Variants in ETF1 observed in about 807,000 individuals in gnomAD.
ETF1 encodes eukaryotic peptide chain release factor subunit 1.
ETF1 carries 4 observed loss-of-function variants against 55.1 expected under a neutral mutation model. The observed-to-expected ratio is 0.07, with a 90% CI of 0.04 to 0.17. The LOEUF is 0.17. Among genes scored for constraint, ETF1 ranks in the 10% least tolerant of loss-of-function variants. The pLI, the probability that ETF1 is intolerant of heterozygous loss-of-function variation, is 1.00. For missense variants in ETF1, 142 were observed against 523.6 expected (o/e 0.27, Z 7.11); for synonymous variants, 157 against 182.3 (o/e 0.86, Z 1.12).
chr5:138,518,548 CAAAA>C (rs1193897923), intron 3 of ETF1, 140 bp downstream of exon 3: 1 of 688,188 alleles, frequency 1.5e-6, no homozygotes, highest in Non-Finnish European at 2.4e-6. Flanking sequence ...CAAAACAAAA[CAAAA>C]AAGCTAACCA....
chr5:138,514,989 G>C (rs1484723560), intron 4 of ETF1, among the ~76,000 whole-genome samples: 1 of 152,194 alleles, frequency 6.6e-6, no homozygotes, highest in African/African-American at 2.4e-5. Context: ...GCCTCCCAAA[G>C]TGCTGGGATT....
chr5:138,512,250 ATATATATATTTT>A (rs1193047391), intron 6 of ETF1, among the ~76,000 whole-genome samples: 3 of 11,862 alleles, frequency 2.5e-4, no homozygotes, highest in African/African-American at 8.7e-4. Context: ...ATATATATAT[ATATATATATTTT>A]TTTTTTTTTT....
At chr5:138,509,258 G>T in intron 9 of ETF1, 3 of 809,614 alleles carry the variant, frequency 3.7e-6, no homozygotes, top group Non-Finnish European at 4.5e-6. Flanking sequence ...ATACGGGAGG[G>T]TCATACTTTC....
chr5:138,511,407 C>CAT, intron 7 of ETF1, 68 bp downstream of exon 7: 1 of 1,452,424 alleles, frequency 6.9e-7, no homozygotes, highest in South Asian at 1.2e-5. Flanking sequence ...CACACATACA[C>CAT]ACACACACAC....
intron 2 of ETF1, among the ~76,000 whole-genome samples, chr5:138,522,718 C>G (rs1765284041): frequency 6.6e-6 from 1 of 152,094 alleles, no homozygotes; most frequent in African/African-American, 2.4e-5. Context: ...TTAACTTACA[C>G]TACATTGGCC....
intron 4 of ETF1, among the ~76,000 whole-genome samples, chr5:138,516,441 G>A (rs1163392510): frequency 6.6e-6 from 1 of 152,072 alleles, no homozygotes; most frequent in African/African-American, 2.4e-5. Context: ...GTTTGGGACA[G>A]GCCTGGCCAA....
intron 5 of ETF1, chr5:138,513,231 T>TTCTC (rs763907320): frequency 1.0e-6 from 1 of 982,838 alleles, no homozygotes; most frequent in Admixed American, 6.2e-5. Context: ...TCATACTGTT[T>TTCTC]TCTCTCTCTC....
rs971107363 is a variant in ETF1 at position 138,541,415 on chromosome 5, G to C, written c.86+1418C>G. ...CTAACGTTTCTCCAGTAAACCGAAG[G>C]AGTGAGCACAAGCCCGTCACTGAAT... is the stretch of plus-strand genomic sequence containing the variant. On this transcript the variant is annotated intron_variant, in intron 2 of 10. Coordinates refer to ENST00000360541, the MANE Select transcript of ETF1 (RefSeq NM_004730.4). 1.2e-5 allele frequency: 9 copies of C among 740,738 alleles called. No individual in the cohort carries two copies. In the African/African-American group the frequency reaches 1.6e-4, roughly 13 times the overall value. 45.9% of individuals were successfully genotyped at this position (740,738 alleles called of 1,614,324 possible). A position where few individuals can be genotyped will look rare whatever the true frequency, so the allele number is the denominator to read the frequency against.
chr5:138,512,258 A>ATATATATATT (rs1484458741), intron 6 of ETF1, among the ~76,000 whole-genome samples: 4 of 20,018 alleles, frequency 2.0e-4, no homozygotes, highest in African/African-American at 7.6e-4. Flanking sequence ...ATATATATAT[A>ATATATATATT]TTTTTTTTTT....
chr5:138,528,156 G>T (rs1014459543), intron 2 of ETF1, among the ~76,000 whole-genome samples: 1 of 152,176 alleles, frequency 6.6e-6, no homozygotes, highest in African/African-American at 2.4e-5. Flanking sequence ...GATGCAGTCG[G>T]CAGGGAATGG....
At chr5:138,519,682 C>T (rs1765159394) in intron 2 of ETF1, among the ~76,000 whole-genome samples, 1 of 151,008 alleles carries the variant, frequency 6.6e-6, no homozygotes, top group East Asian at 1.9e-4. Flanking sequence ...AAAAAAAAAT[C>T]TCTCTCTCAC....
At position 138,510,555 on chromosome 5, in the gene ETF1, A is replaced by G; in HGVS notation, c.1083+10T>C. The G allele has an allele frequency of 1.3e-6, 2 of 1,595,504 alleles. No individual in the cohort carries two copies. Among genetic ancestry groups the G allele is most frequent in the Non-Finnish European group, 1.7e-6 (2 of 1,163,212 alleles). ...GCACGTATCATCAAACCAAGAAAAT[A>G]ATCACATACCTCTTTGTCTGTGAAA... On this transcript the variant is annotated intron_variant, in intron 9 of 10. Coordinates refer to ENST00000360541, the MANE Select transcript of ETF1 (RefSeq NM_004730.4).
chr5:138,522,471 C>G (rs1480919554), intron 2 of ETF1, among the ~76,000 whole-genome samples: 2 of 151,882 alleles, frequency 1.3e-5, no homozygotes, highest in Admixed American at 6.6e-5. Context: ...CACAGAGTTA[C>G]CATATGACCC....
rs1554137314 is a variant in ETF1 at position 138,511,384 on chromosome 5, G to GTACA, written c.862+87_862+90dup. On this transcript the variant is annotated intron_variant, in intron 7 of 10. Transcript: ENST00000360541. Reference sequence around the variant, plus strand: ...TACCTTGTCTCATACATACAATCACGTACATACACACACACACATACACAC... The same window carrying GTACA: ...TACCTTGTCTCATACATACAATCACGTACATACATACACACACACACATACACAC... 4,406 of 1,323,054 alleles carry GTACA rather than the reference G, an allele frequency of 3.3e-3. 109 individuals are homozygous for GTACA. The highest frequency in any genetic ancestry group is 8.0e-3 in the East Asian group (289 of 36,328). The allele number at this position is 1,323,054 out of a possible 1,614,324, so 82.0% of individuals were successfully genotyped here.
intron 2 of ETF1, among the ~76,000 whole-genome samples, chr5:138,535,620 C>G (rs550623507): frequency 6.6e-6 from 1 of 150,614 alleles, no homozygotes; most frequent in South Asian, 2.1e-4. Flanking sequence ...ACTTGGGAGG[C>G]TGAGGCAGGA....
At chr5:138,524,000 A>G (rs1765347477) in intron 2 of ETF1, among the ~76,000 whole-genome samples, 1 of 152,042 alleles carries the variant, frequency 6.6e-6, no homozygotes, top group Non-Finnish European at 1.5e-5. Context: ...ACTATGGTGA[A>G]ACCTCACCTC....
intron 6 of ETF1, among the ~76,000 whole-genome samples, chr5:138,512,194 T>G (rs1764811375): frequency 8.0e-5 from 1 of 12,498 alleles, no homozygotes; most frequent in Non-Finnish European, 1.4e-4. Context: ...CCAGACCCAG[T>G]CTCAAAAAAA....
chr5:138,511,223 A>G (rs1408284828), intron 7 of ETF1, 23 bp from the exon 8 acceptor site: 22 of 1,611,398 alleles, frequency 1.4e-5, no homozygotes, highest in Non-Finnish European at 1.8e-5. Flanking sequence ...ATCAGTCAAC[A>G]GGATATATAT....
chr5:138,533,592 A>G (rs1028076166), intron 2 of ETF1, among the ~76,000 whole-genome samples: 5 of 152,308 alleles, frequency 3.3e-5, no homozygotes, highest in Non-Finnish European at 7.3e-5. Flanking sequence ...AGTCTGAGGC[A>G]GAAGAATCGC....
Sources: gnomAD v4.1 joint callset for allele counts (sites outside exome capture counted in the v4.1 genomes callset) on GRCh38, gnomAD v4.1.1 for gene constraint, MANE v1.5 for transcripts, NCBI Gene and HGNC (gene_info 2026-07-23, HGNC 2026-07-21) for gene names.